The following ARHGEF26 variants were observed in gnomAD, a reference collection of about 807,000 sequenced individuals.
ARHGEF26 encodes Rho guanine nucleotide exchange factor 26.
In ARHGEF26, 59 loss-of-function variants were observed where a neutral mutation model predicts 89.4. That is an observed-to-expected ratio of 0.66 (90% CI 0.54 to 0.82). ARHGEF26 has a LOEUF of 0.82. Among genes scored for constraint, ARHGEF26 ranks in the 40% least tolerant of loss-of-function variants. The probability of loss-of-function intolerance (pLI) is 0.00; values close to 1 mark genes in which losing one functional copy is unlikely to be tolerated. For missense variants in ARHGEF26, 1,234 were observed against 1,085.6 expected (o/e 1.14, Z -1.92); for synonymous variants, 500 against 428.4 (o/e 1.17, Z -2.06).
intron 6 of ARHGEF26, chr3:154,187,237 A>G (rs1485803866): frequency 1.4e-5 from 14 of 982,172 alleles, no homozygotes; most frequent in Non-Finnish European, 1.7e-5. Context: ...TTGCTCATGT[A>G]TTTTTCCATA....
intron 11 of ARHGEF26, among the ~76,000 whole-genome samples, chr3:154,237,538 T>TCACACA (rs71152796): frequency 0.12 from 17,615 of 143,134 alleles, 1,171 homozygotes; most frequent in African/African-American, 0.14. Context: ...TGAGACTCCG[T>TCACACA]CACACACACA....
chr3:154,156,786 A>ATTTC, intron 6 of ARHGEF26, among the ~76,000 whole-genome samples: 1 of 152,332 alleles, frequency 6.6e-6, no homozygotes, highest in Middle Eastern at 3.4e-3. Flanking sequence ...TGCAGTCCCA[A>ATTTC]GAAAATGCGA....
intron 10 of ARHGEF26, among the ~76,000 whole-genome samples, chr3:154,222,589 C>G (rs1410028772): frequency 6.6e-6 from 1 of 152,082 alleles, no homozygotes; most frequent in African/African-American, 2.4e-5. Context: ...TTAAATAGAC[C>G]TGATTTATAG....
At chr3:154,221,435 A>C (rs1307292647) in intron 10 of ARHGEF26, among the ~76,000 whole-genome samples, 1 of 152,246 alleles carries the variant, frequency 6.6e-6, no homozygotes, top group Non-Finnish European at 1.5e-5. Flanking sequence ...TATCAAAATT[A>C]CAAATGCAAG....
intron 4 of ARHGEF26, among the ~76,000 whole-genome samples, chr3:154,132,086 A>G (rs1218719634): frequency 6.6e-6 from 1 of 152,196 alleles, no homozygotes; most frequent in Non-Finnish European, 1.5e-5. Flanking sequence ...AAATTTAATG[A>G]AAGCAGCATG....
In ARHGEF26 at chr3:154,228,329, GT is replaced by G. The variant is rs1716616955; in HGVS notation, c.2090+2322del. On this transcript the variant is annotated intron_variant, in intron 11 of 14. Transcript: ENST00000465093. ...ATTTTGTATTTTTAGTAGAGATGGG[GT>G]TTCTCCATGTTTGTCAGGCTGGTCT... Among the ~76,000 whole-genome samples the G allele has an allele frequency of 9.9e-5, 15 of 151,636 alleles. No homozygotes were observed. The South Asian group carries it at 2.9e-3, about 30-fold the overall frequency.
At chr3:154,223,702 G>A (rs1193864257) in intron 10 of ARHGEF26, among the ~76,000 whole-genome samples, 1 of 152,152 alleles carries the variant, frequency 6.6e-6, no homozygotes, top group African/African-American at 2.4e-5. Context: ...AAGAGTGGCA[G>A]ATGACTGCTC....
intron 9 of ARHGEF26, among the ~76,000 whole-genome samples, chr3:154,201,043 C>T (rs889311852): frequency 2.0e-5 from 3 of 151,808 alleles, no homozygotes; most frequent in African/African-American, 7.3e-5. Context: ...GGTACATGTG[C>T]ACAAGGTGCA....
At position 154,252,978 on chromosome 3, in the gene ARHGEF26, A is replaced by C. The variant is rs549834340; in HGVS notation, c.2301-138A>C. 1.8e-5 allele frequency: 15 copies of C among 840,608 alleles called. No individual in the cohort carries two copies. In the South Asian group the frequency reaches 2.3e-4, roughly 13 times the overall value. The allele number at this position is 840,608 out of a possible 1,614,324, so 52.1% of individuals were successfully genotyped here. On this transcript the variant is annotated intron_variant, in intron 12 of 14. Transcript: ENST00000465093. ...CTTTCCAGCTTATCACTTTTAAACT[A>C]CTCTCACCCTGTTTTACCATACCTC... is the stretch of plus-strand genomic sequence containing the variant.
In ARHGEF26 at chr3:154,185,747, A is replaced by G. The variant is rs144983709; in HGVS notation, c.1488-1938A>G. Among the ~76,000 whole-genome samples the G allele has an allele frequency of 6.0e-3, 915 of 152,306 alleles. 7 individuals are homozygous for G. Among genetic ancestry groups the G allele is most frequent in the Non-Finnish European group, 8.6e-3 (582 of 68,026 alleles). The stretch of plus-strand genomic sequence containing the variant: ...TTCTTATGACTGGAGATAGGCAGGC[A>G]TGGCTGAAAGTTCCAGCTCTGCAAT... On this transcript the variant is annotated intron_variant, in intron 6 of 14. Transcript: ENST00000465093.
chr3:154,233,175 C>T (rs1176897952), intron 11 of ARHGEF26, among the ~76,000 whole-genome samples: 1 of 152,098 alleles, frequency 6.6e-6, no homozygotes, highest in Non-Finnish European at 1.5e-5. Flanking sequence ...TGGCTCTACT[C>T]TTACCTGCTG....
At chr3:154,201,998 C>G (rs924769599) in intron 9 of ARHGEF26, among the ~76,000 whole-genome samples, 1 of 151,960 alleles carries the variant, frequency 6.6e-6, no homozygotes, top group Non-Finnish European at 1.5e-5. Flanking sequence ...TGCAGAAGCT[C>G]TTTAGTTTAA....
At chr3:154,248,614 A>T (rs528749660) in intron 12 of ARHGEF26, among the ~76,000 whole-genome samples, 2 of 152,160 alleles carry the variant, frequency 1.3e-5, no homozygotes, top group African/African-American at 2.4e-5. Context: ...CCCCAATAGG[A>T]CAAGAGGTCT....
intron 14 of ARHGEF26, 128 bp from the exon 15 acceptor site, chr3:154,255,203 C>T (rs1718420043): frequency 3.1e-6 from 3 of 970,738 alleles, no homozygotes; most frequent in Non-Finnish European, 4.6e-6. Flanking sequence ...CTTTCCCTGT[C>T]CCACTTTCTC....
At chr3:154,243,137 A>G (rs1393977724) in intron 12 of ARHGEF26, among the ~76,000 whole-genome samples, 1 of 152,180 alleles carries the variant, frequency 6.6e-6, no homozygotes, top group African/African-American at 2.4e-5. Flanking sequence ...TCCTCAAAAC[A>G]GAATTTTTAG....
chr3:154,249,788 T>C (rs1397811854), intron 12 of ARHGEF26, among the ~76,000 whole-genome samples: 2 of 152,210 alleles, frequency 1.3e-5, no homozygotes, highest in Non-Finnish European at 2.9e-5. Flanking sequence ...TGTCACTTTG[T>C]GCAAAGGGAA....
chr3:154,238,893 A>G (rs572268261), intron 11 of ARHGEF26, among the ~76,000 whole-genome samples: 2 of 152,304 alleles, frequency 1.3e-5, no homozygotes, highest in African/African-American at 4.8e-5. Flanking sequence ...TTTAATATGC[A>G]TGAACAAGAG....
chr3:154,128,862 C>T (rs1467387061), intron 3 of ARHGEF26, among the ~76,000 whole-genome samples: 1 of 152,190 alleles, frequency 6.6e-6, no homozygotes, highest in African/African-American at 2.4e-5. Context: ...TTCTACCCCC[C>T]TTCCCTGTTT....
At position 154,255,398 on chromosome 3, in the gene ARHGEF26, G is replaced by A; in HGVS notation, c.2541G>A (p.Glu847=). 1.2e-6 allele frequency: 2 copies of A among 1,613,764 alleles called. No individual in the cohort carries two copies. Among genetic ancestry groups the A allele is most frequent in the Non-Finnish European group, 1.7e-6 (2 of 1,179,862 alleles). Reference sequence around the variant, plus strand: ...GGTTTCCTATGGAATGTGCCAAGGAGATAACATGTCAAGCTACAATTGATA... The same window carrying A: ...GGTTTCCTATGGAATGTGCCAAGGAAATAACATGTCAAGCTACAATTGATA... The part of the protein sequence containing the change: ...RGWFPMECAK[E]ITCQATIDKN... The change falls in exon 15 of 15, where the codon GAG becomes GAA. Residue 847 remains glutamate, a synonymous_variant. Coordinates refer to ENST00000465093, the MANE Select transcript of ARHGEF26 (RefSeq NM_015595.4).
Sources: gnomAD v4.1 joint callset for allele counts (sites outside exome capture counted in the v4.1 genomes callset) on GRCh38, gnomAD v4.1.1 for gene constraint, MANE v1.5 for transcripts, NCBI Gene and HGNC (gene_info 2026-07-23, HGNC 2026-07-21) for gene names.